Variants in CREB5 observed in about 807,000 individuals in gnomAD.
CREB5 encodes cyclic AMP-responsive element-binding protein 5.
A neutral mutation model predicts 57.1 loss-of-function variants in CREB5; 19 were observed. That is an observed-to-expected ratio of 0.33 (90% CI 0.23 to 0.49). The LOEUF (loss-of-function observed/expected upper bound fraction) is 0.49. Ranked by LOEUF, CREB5 falls within the 20% of genes least tolerant of loss-of-function variation. The pLI, the probability that CREB5 is intolerant of heterozygous loss-of-function variation, is 0.99. For missense variants in CREB5, 579 were observed against 671.6 expected (o/e 0.86, Z 1.52); for synonymous variants, 238 against 238.3 (o/e 1.00, Z 0.01).
chr7:28,638,927 T>G (rs1798536879), intron 5 of CREB5, among the ~76,000 whole-genome samples: 1 of 152,178 alleles, frequency 6.6e-6, no homozygotes, highest in South Asian at 2.1e-4. Flanking sequence ...ATGTCTATAT[T>G]CATTTCTTAC....
chr7:28,461,785 G>C (rs900596693), intron 1 of CREB5, among the ~76,000 whole-genome samples: 12 of 151,986 alleles, frequency 7.9e-5, no homozygotes, highest in African/African-American at 2.9e-4. Flanking sequence ...TCCTGATTTT[G>C]TTTCAGAAGA....
chr7:28,719,010 G>A (rs1802867014), intron 6 of CREB5, 131 bp downstream of exon 6: 6 of 1,435,150 alleles, frequency 4.2e-6, no homozygotes, highest in Non-Finnish European at 5.6e-6. Context: ...GGAGGGTTGA[G>A]CTGTGTGCAA....
At chr7:28,477,920 G>A (rs534906666) in intron 1 of CREB5, among the ~76,000 whole-genome samples, 1 of 152,246 alleles carries the variant, frequency 6.6e-6, no homozygotes, top group African/African-American at 2.4e-5. Flanking sequence ...TTTGAGACCA[G>A]CCTGGGCAAC....
At position 28,820,363 on chromosome 7, in the gene CREB5, C is replaced by T. The variant is rs1203026446; in HGVS notation, c.*1084C>T. ...CATAATAATTCAGAAGGGCTCTATT[C>T]ACTACACAGATTACATTGTTCAATC... On this transcript the variant is annotated 3_prime_UTR_variant, in exon 11 of 11. Coordinates refer to ENST00000357727, the MANE Select transcript of CREB5 (RefSeq NM_182898.4). 1 of 152,430 alleles carries T rather than the reference C, an allele frequency of 6.6e-6. No individual in the cohort carries two copies. The highest frequency in any genetic ancestry group is 6.6e-5 in the Admixed American group (1 of 15,256). The allele number at this position is 152,430 out of a possible 1,614,324, so 9.4% of individuals were successfully genotyped here.
chr7:28,644,313 A>G (rs893567669), intron 5 of CREB5, among the ~76,000 whole-genome samples: 1 of 152,094 alleles, frequency 6.6e-6, no homozygotes, highest in African/African-American at 2.4e-5. Context: ...ATCTTTCTTC[A>G]AAAGGTAGAA....
At chr7:28,457,970 G>A (rs1790183496) in intron 1 of CREB5, among the ~76,000 whole-genome samples, 1 of 152,150 alleles carries the variant, frequency 6.6e-6, no homozygotes, top group Non-Finnish European at 1.5e-5. Context: ...TAGATTTCTT[G>A]TTATTGAACA....
intron 6 of CREB5, among the ~76,000 whole-genome samples, chr7:28,723,444 C>G (rs1413066756): frequency 6.6e-6 from 1 of 152,202 alleles, no homozygotes; most frequent in African/African-American, 2.4e-5. Context: ...GGCAGGCCAG[C>G]AGGAAGACAA....
intron 7 of CREB5, among the ~76,000 whole-genome samples, chr7:28,752,310 G>A (rs918615583): frequency 1.3e-5 from 2 of 152,176 alleles, no homozygotes; most frequent in African/African-American, 4.8e-5. Flanking sequence ...AGGATTACAG[G>A]TGTCCGCTAC....
intron 4 of CREB5, among the ~76,000 whole-genome samples, chr7:28,555,904 T>G (rs1018056100): frequency 6.6e-6 from 1 of 152,200 alleles, no homozygotes; most frequent in African/African-American, 2.4e-5. Flanking sequence ...ACATTGAAGT[T>G]ATCAGTAGAG....
intron 1 of CREB5, among the ~76,000 whole-genome samples, chr7:28,306,159 TAACACTTGC>T (rs1452346317): frequency 6.6e-6 from 1 of 152,232 alleles, no homozygotes; most frequent in African/African-American, 2.4e-5. Context: ...TCCATAATTG[TAACACTTGC>T]TGTTCATGCC....
chr7:28,617,210 A>G (rs1419009118), intron 5 of CREB5, among the ~76,000 whole-genome samples: 1 of 152,252 alleles, frequency 6.6e-6, no homozygotes, highest in Non-Finnish European at 1.5e-5. Context: ...AATTTAGAAC[A>G]TCTGGAGACT....
At chr7:28,365,365 C>T (rs995727979) in intron 1 of CREB5, among the ~76,000 whole-genome samples, 1 of 152,178 alleles carries the variant, frequency 6.6e-6, no homozygotes, top group Non-Finnish European at 1.5e-5. Flanking sequence ...TCATCCTTCA[C>T]TTGTGCTTTG....
chr7:28,330,853 G>A (rs1287634566), intron 1 of CREB5, among the ~76,000 whole-genome samples: 1 of 152,110 alleles, frequency 6.6e-6, no homozygotes, highest in Non-Finnish European at 1.5e-5. Context: ...GGAAATTTGT[G>A]GTATTATGAC....
chr7:28,527,799 CAG>C (rs964510973), intron 4 of CREB5, among the ~76,000 whole-genome samples: 2 of 152,126 alleles, frequency 1.3e-5, no homozygotes, highest in African/African-American at 4.8e-5. Context: ...GCCTGCGTGA[CAG>C]AGAGAGATCC....
chr7:28,642,987 T>TACACACACACACACACACACATAC (rs1798732129), intron 5 of CREB5, among the ~76,000 whole-genome samples: 2 of 98,332 alleles, frequency 2.0e-5, no homozygotes, highest in African/African-American at 7.3e-5. Context: ...CACACACACA[T>TACACACACACACACACACACATAC]ACACACACAC....
intron 1 of CREB5, among the ~76,000 whole-genome samples, chr7:28,476,383 C>T (rs572711122): frequency 1.4e-4 from 21 of 152,286 alleles, no homozygotes; most frequent in East Asian, 5.8e-4. Flanking sequence ...TCCATGTCTG[C>T]GAGTTGATTG....
intron 1 of CREB5, among the ~76,000 whole-genome samples, chr7:28,478,534 C>T (rs902865964): frequency 2.4e-4 from 37 of 151,956 alleles, no homozygotes; most frequent in African/African-American, 6.8e-4. Context: ...GTGCCAGCAA[C>T]GTTAAAGCAG....
chr7:28,513,047 A>T (rs216703), intron 4 of CREB5, among the ~76,000 whole-genome samples: 161 of 152,190 alleles, frequency 1.1e-3, no homozygotes, highest in African/African-American at 3.7e-3. Flanking sequence ...AGCTCCGCAA[A>T]GCAGGCTGTT....
At chr7:28,788,604 A>G (rs1313618199) in intron 7 of CREB5, among the ~76,000 whole-genome samples, 1 of 152,230 alleles carries the variant, frequency 6.6e-6, no homozygotes, top group Non-Finnish European at 1.5e-5. Context: ...CCGTGCACAA[A>G]GTAAACGCTT....
Sources: allele counts gnomAD v4.1 joint callset (sites outside exome capture counted in the v4.1 genomes callset), GRCh38; gene constraint gnomAD v4.1.1; transcripts MANE v1.5; gene names NCBI Gene and HGNC (gene_info 2026-07-23, HGNC 2026-07-21).